FERMT2: variants seen among roughly 807,000 people sequenced by gnomAD.
FERMT2 encodes the protein FERM domain containing kindlin 2.
In FERMT2, 15 loss-of-function variants were observed where a neutral mutation model predicts 82.7. That is an observed-to-expected ratio of 0.18 (90% confidence interval 0.12 to 0.28). FERMT2 has a LOEUF of 0.28. FERMT2 is among the 10% of genes least tolerant of loss of function. FERMT2 has a pLI of 1.00. For missense variants in FERMT2, 645 were observed against 809.4 expected, an observed-to-expected ratio of 0.80 and a Z score of 2.46; for synonymous variants, 274 against 271.5, an observed-to-expected ratio of 1.01 and a Z score of -0.09.
At chr14:52,929,384 A>G (rs1420506033) in intron 2 of FERMT2, among the ~76,000 whole-genome samples, 1 of 152,172 alleles carries the variant, frequency 6.6e-6, no homozygotes, top group Non-Finnish European at 1.5e-5. Context: ...CACTTTGCAT[A>G]CAACAGCCAG....
rs538816293 is a variant in FERMT2, at chr14:52,861,357, C to CTACATCGTGTACCCAGT, written c.1603-909_1603-893dup. The CTACATCGTGTACCCAGT allele has an allele frequency of 2.8e-3, 861 of 303,240 alleles. 2 individuals carry two copies. The highest frequency in any genetic ancestry group is 5.5e-3 in the Admixed American group (106 of 19,280). The allele number at this position is 303,240 out of a possible 1,614,324, so 18.8% of individuals were successfully genotyped here. A position where few individuals can be genotyped will look rare whatever the true frequency, so the allele number is the denominator to read the frequency against. ...AAAAAGAGCAAATATTTCTTTCCCC[C>CTACATCGTGTACCCAGT]TACATCGTGTACCCAGTTACATCGT... On this transcript the variant is annotated intron_variant, in intron 12 of 14. Transcript: ENST00000341590.
intron 2 of FERMT2, among the ~76,000 whole-genome samples, chr14:52,938,829 G>A (rs1052812789): frequency 6.6e-6 from 1 of 152,026 alleles, no homozygotes; most frequent in Admixed American, 6.5e-5. Context: ...GCCTCCCTAA[G>A]TGCTGTAAAA....
At position 52,927,592 on chromosome 14, in the gene FERMT2, TAAAAAA is replaced by T. The variant is rs71125150; in HGVS notation, c.158-8242_158-8237del. Among the ~76,000 whole-genome samples, 160 of 33,722 alleles carry T rather than the reference TAAAAAA, an allele frequency of 4.7e-3. 4 individuals carry two copies. Among genetic ancestry groups the T allele is most frequent in the East Asian group, 0.023 (28 of 1,240 alleles). 22.1% of individuals were successfully genotyped at this position (33,722 alleles called of 152,430 possible). A position where few individuals can be genotyped will look rare whatever the true frequency, so the allele number is the denominator to read the frequency against. ...GCAACATAGCAAAACCTCATCCCTA[TAAAAAA>T]AAAAAAAAAAAAAAAAAAAAAAAAA... On this transcript the variant is annotated intron_variant, in intron 2 of 14. Transcript: ENST00000341590.
intron 2 of FERMT2, among the ~76,000 whole-genome samples, chr14:52,933,055 A>T (rs1471616435): frequency 6.6e-6 from 1 of 152,100 alleles, no homozygotes; most frequent in African/African-American, 2.4e-5. Context: ...GAAGCATACA[A>T]ATATTTCCTC....
chr14:52,887,371 G>A (rs1401853563), intron 4 of FERMT2, among the ~76,000 whole-genome samples: 1 of 151,912 alleles, frequency 6.6e-6, no homozygotes, highest in Non-Finnish European at 1.5e-5. Context: ...AAATTAGCTG[G>A]CCATGCTGGC....
chr14:52,889,400 A>G (rs59408237), intron 4 of FERMT2, among the ~76,000 whole-genome samples: 1 of 152,192 alleles, frequency 6.6e-6, no homozygotes, highest in Admixed American at 6.5e-5. Context: ...CAGAAATAAA[A>G]GCAGCTGCAG....
chr14:52,870,725 A>G (rs557916917), intron 10 of FERMT2, among the ~76,000 whole-genome samples: 3 of 152,356 alleles, frequency 2.0e-5, no homozygotes, highest in Non-Finnish European at 4.4e-5. Context: ...TTGTGTAAGT[A>G]CACACACTCC....
intron 10 of FERMT2, among the ~76,000 whole-genome samples, chr14:52,868,875 C>CTTGGTCAAGGTG (rs1168448902): frequency 1.3e-5 from 2 of 152,182 alleles, no homozygotes; most frequent in Non-Finnish European, 2.9e-5. Flanking sequence ...CCATTTGATT[C>CTTGGTCAAGGTG]TTGGTCAAGG....
At chr14:52,875,515 ATATCC>A (rs554870378) in intron 7 of FERMT2, among the ~76,000 whole-genome samples, 158 bp from the exon 8 acceptor site, 9 of 152,322 alleles carry the variant, frequency 5.9e-5, no homozygotes, top group Admixed American at 5.9e-4. Flanking sequence ...CCTGAAATCA[ATATCC>A]TAAACCTGCT....
In FERMT2 at chr14:52,920,800, C is replaced by A. The variant is rs191632705; in HGVS notation, c.158-1444G>T. ...AAACCCCATCTCTACAAAAAATTAG[C>A]TGGGCATGGTACATGTGCCTGTAGT... On this transcript the variant is annotated intron_variant, in intron 2 of 14. Transcript: ENST00000341590. Among the ~76,000 whole-genome samples the A allele has an allele frequency of 5.3e-5, 8 of 152,188 alleles. No individual in the cohort carries two copies. The East Asian group carries it at 1.5e-3, about 29-fold the overall frequency.
chr14:52,903,060 ACT>A (rs942977569), intron 3 of FERMT2, among the ~76,000 whole-genome samples: 2 of 151,534 alleles, frequency 1.3e-5, no homozygotes, highest in African/African-American at 4.9e-5. Context: ...TTATGAAACA[ACT>A]CTGCATAAAT....
intron 10 of FERMT2, among the ~76,000 whole-genome samples, chr14:52,865,698 T>C (rs878874316): frequency 6.6e-6 from 1 of 152,158 alleles, no homozygotes; most frequent in Admixed American, 6.5e-5. Context: ...TTTTAAATTG[T>C]TAGTAGGGCT....
intron 3 of FERMT2, among the ~76,000 whole-genome samples, chr14:52,906,952 G>A (rs1371244488): frequency 6.8e-6 from 1 of 146,914 alleles, no homozygotes; most frequent in African/African-American, 2.5e-5. Context: ...TTATTGGGGG[G>A]GGGGGGGGAA....
intron 2 of FERMT2, among the ~76,000 whole-genome samples, chr14:52,934,031 T>C (rs539713007): frequency 6.6e-6 from 1 of 152,316 alleles, no homozygotes; most frequent in African/African-American, 2.4e-5. Context: ...CAGCAAAGTA[T>C]ACCTTAGCAC....
chr14:52,933,559 A>C (rs1042636126), intron 2 of FERMT2, among the ~76,000 whole-genome samples: 3 of 151,554 alleles, frequency 2.0e-5, no homozygotes, highest in Non-Finnish European at 4.4e-5. Context: ...AAAAATACAA[A>C]ATTAGCCGGG....
At chr14:52,899,483 C>G (rs1035716012) in intron 3 of FERMT2, among the ~76,000 whole-genome samples, 1 of 152,074 alleles carries the variant, frequency 6.6e-6, no homozygotes. Flanking sequence ...AGGGTTTCAC[C>G]GTATTAGCCA....
At chr14:52,933,799 A>T (rs1295388305) in intron 2 of FERMT2, among the ~76,000 whole-genome samples, 2 of 151,742 alleles carry the variant, frequency 1.3e-5, no homozygotes, top group Non-Finnish European at 2.9e-5. Context: ...ATAATCCGTT[A>T]ACAGGTTCCA....
chr14:52,875,771 C>G (rs1190811696), intron 7 of FERMT2, among the ~76,000 whole-genome samples: 1 of 151,982 alleles, frequency 6.6e-6, no homozygotes, highest in African/African-American at 2.4e-5. Context: ...CTGATGAACA[C>G]TGAATGCTGT....
At chr14:52,885,680 T>C (rs2139514515) in intron 4 of FERMT2, among the ~76,000 whole-genome samples, 1 of 152,296 alleles carries the variant, frequency 6.6e-6, no homozygotes, top group South Asian at 2.1e-4. Context: ...TAAAACCCGA[T>C]ATAATCAAAC....
Sources: allele counts gnomAD v4.1 joint callset (sites outside exome capture counted in the v4.1 genomes callset), GRCh38; gene constraint gnomAD v4.1.1; transcripts MANE v1.5; gene names NCBI Gene and HGNC (gene_info 2026-07-23, HGNC 2026-07-21).